POU6F1: variants seen among roughly 807,000 people sequenced by gnomAD.
POU6F1 encodes the protein POU domain, class 6, transcription factor 1.
Under a neutral mutation model 28.9 loss-of-function variants are expected in POU6F1, and 9 were observed. The observed-to-expected ratio is 0.31, with a 90% CI of 0.19 to 0.54. POU6F1 has a LOEUF of 0.54. Ranked by LOEUF, POU6F1 falls within the 20% of genes least tolerant of loss-of-function variation. The pLI, the probability that POU6F1 is intolerant of heterozygous loss-of-function variation, is 0.94. For missense variants in POU6F1, 338 were observed against 426.1 expected (o/e 0.79, Z 1.82); for synonymous variants, 173 against 171.1 (o/e 1.01, Z -0.09).
chr12:51,194,096 G>A (rs947197036), intron 8 of POU6F1, among the ~76,000 whole-genome samples: 4 of 151,940 alleles, frequency 2.6e-5, no homozygotes, highest in South Asian at 2.1e-4. Context: ...GCATGATCTC[G>A]GCTCATCACA....
At chr12:51,195,501 C>T (rs1280235486) in intron 8 of POU6F1, among the ~76,000 whole-genome samples, 1 of 46,756 alleles carries the variant, frequency 2.1e-5, no homozygotes, top group Admixed American at 2.5e-4. Flanking sequence ...GTGTCTTCAG[C>T]ACTTGGAATA....
rs184688888 is a variant in POU6F1, at chr12:51,199,449, C to T, written c.366+298G>A. Among the ~76,000 whole-genome samples the T allele has an allele frequency of 2.0e-5, 3 of 152,180 alleles. No homozygotes were observed. The highest frequency in any genetic ancestry group is 2.9e-5 in the Non-Finnish European group (2 of 68,034). ...TGGAGGGCCGGCAAGGGTATTCATTCATTTAGTCATTTGATAAACAGAAAC... is the reference window on the plus strand; with the variant it reads ...TGGAGGGCCGGCAAGGGTATTCATTTATTTAGTCATTTGATAAACAGAAAC... On this transcript the variant is annotated intron_variant, in intron 4 of 10. Transcript: ENST00000333640. This position sits in a 1 kb window ranked among gnomAD's most constrained non-coding sequence, Gnocchi z 4.1.
chr12:51,210,367 A>G (rs1943912056), intron 1 of POU6F1, among the ~76,000 whole-genome samples: 1 of 152,244 alleles, frequency 6.6e-6, no homozygotes, highest in Non-Finnish European at 1.5e-5. Context: ...ATCTGGGTGC[A>G]TTATAGCTTG....
chr12:51,214,418 G>C (rs767637150), intron 1 of POU6F1, among the ~76,000 whole-genome samples: 6 of 152,038 alleles, frequency 3.9e-5, no homozygotes, highest in Admixed American at 2.0e-4. Context: ...ACACCACACA[G>C]AACCTCCTCT....
chr12:51,204,709 A>G (rs1943460116), intron 2 of POU6F1, among the ~76,000 whole-genome samples: 1 of 152,088 alleles, frequency 6.6e-6, no homozygotes, highest in African/African-American at 2.4e-5. Context: ...CTATCCTACA[A>G]CTTGCAAGGA....
At chr12:51,201,388 A>G (rs1565617576) in intron 3 of POU6F1, among the ~76,000 whole-genome samples, 1 of 152,198 alleles carries the variant, frequency 6.6e-6, no homozygotes, top group Non-Finnish European at 1.5e-5. Flanking sequence ...CTCCAGAAAA[A>G]AAATCAGGCT....
At chr12:51,203,626 C>T (rs369516104) in intron 3 of POU6F1, among the ~76,000 whole-genome samples, 2 of 152,138 alleles carry the variant, frequency 1.3e-5, no homozygotes, top group African/African-American at 2.4e-5. Context: ...CGGAAGTTTG[C>T]GTGTTCTCAT....
At chr12:51,198,403 G>A (rs923495607) in intron 5 of POU6F1, 147 bp downstream of exon 5, 17 of 397,822 alleles carry the variant, frequency 4.3e-5, no homozygotes, top group Admixed American at 2.2e-4. Flanking sequence ...GCAGCTCTGC[G>A]GCCGGATGCC....
intron 1 of POU6F1, among the ~76,000 whole-genome samples, chr12:51,212,776 C>CAAAAAAAAA (rs1176606531): frequency 2.1e-4 from 8 of 37,694 alleles, no homozygotes; most frequent in African/African-American, 3.8e-4. Context: ...AACTCCGTCT[C>CAAAAAAAAA]AAAAAAAAAA....
At position 51,217,105 on chromosome 12, in the gene POU6F1, C is replaced by A. The variant is rs1321420588; in HGVS notation, c.-48+537G>T. On this transcript the variant is annotated intron_variant, in intron 1 of 10. Transcript: ENST00000333640. The surrounding 1 kb of genome is among the most constrained non-coding windows in gnomAD (Gnocchi z 5.3). The stretch of plus-strand genomic sequence containing the variant: ...CCTTCCAGCAACGCCTGGGTCCCTA[C>A]CCCCGGGTCCCACCGGTCGTCCCGG... Among the ~76,000 whole-genome samples the A allele has an allele frequency of 7.9e-5, 12 of 152,180 alleles. No homozygotes were observed. The highest frequency in any genetic ancestry group is 7.9e-4 in the Admixed American group (12 of 15,282).
intron 8 of POU6F1, among the ~76,000 whole-genome samples, chr12:51,192,883 C>T (rs1253608456): frequency 3.3e-5 from 5 of 150,056 alleles, no homozygotes; most frequent in African/African-American, 4.9e-5. Flanking sequence ...CCAGACTGGG[C>T]GACAGAGTGA....
intron 2 of POU6F1, 67 bp from the exon 3 acceptor site, chr12:51,204,435 G>T: frequency 5.0e-6 from 2 of 398,660 alleles, no homozygotes; most frequent in Non-Finnish European, 8.8e-6. Flanking sequence ...CAAAGCTCTG[G>T]GTATGGTTTG....
intron 1 of POU6F1, among the ~76,000 whole-genome samples, chr12:51,208,299 CA>C (rs1356028921): frequency 2.0e-5 from 3 of 151,030 alleles, no homozygotes; most frequent in Non-Finnish European, 4.4e-5. Flanking sequence ...GACCCTGTCT[CA>C]AAAAAGAGAG....
rs575356527 is a variant in POU6F1, at chr12:51,210,392, T to C, written c.-47-3509A>G. On this transcript the variant is annotated intron_variant, in intron 1 of 10. Coordinates refer to ENST00000333640, the MANE Select transcript of POU6F1 (RefSeq NM_001330422.2). ...ATTATAGCTTGATACATACATTTCT[T>C]GGGGAGAAGAATTTTCCAATTCCAA... Among the ~76,000 whole-genome samples, 24 of 152,260 alleles carry C rather than the reference T, an allele frequency of 1.6e-4. No individual in the cohort carries two copies. The East Asian group carries it at 4.6e-3, about 29-fold the overall frequency.
intron 2 of POU6F1, among the ~76,000 whole-genome samples, chr12:51,205,607 T>C (rs1181874312): frequency 6.6e-6 from 1 of 152,194 alleles, no homozygotes; most frequent in Non-Finnish European, 1.5e-5. Flanking sequence ...GCATTTGGCC[T>C]GTGCCTGAAA....
intron 1 of POU6F1, among the ~76,000 whole-genome samples, chr12:51,216,495 G>C (rs1165992268): frequency 6.6e-6 from 1 of 152,238 alleles, no homozygotes; most frequent in Non-Finnish European, 1.5e-5. Flanking sequence ...GAATTGTTCA[G>C]AGCATGGCAC....
At chr12:51,196,276 C>T in intron 7 of POU6F1, 103 bp from the exon 8 acceptor site, 1 of 980,624 alleles carries the variant, frequency 1.0e-6, no homozygotes, top group South Asian at 1.9e-5. Context: ...ATGGACAAAT[C>T]CCTCAACCTG....
rs139547928 is a variant in POU6F1 at position 51,190,523 on chromosome 12, G to A, written c.1560C>T (p.Asn520=). Residue 520 remains asparagine (N), a synonymous_variant, in exon 11 of 11, where the codon AAC becomes AAT. Coordinates refer to ENST00000333640, the MANE Select transcript of POU6F1 (RefSeq NM_001330422.2). This position sits in a 1 kb window ranked among gnomAD's most constrained non-coding sequence, Gnocchi z 4.5. ...KLKPVLEKWL[N]EAELRNQEGQ... Reference sequence around the variant, plus strand: ...CTTCCTGGTTCCGCAGTTCAGCTTCGTTTAGCCACTTTTCCAGCACCGGCT... The same window carrying A: ...CTTCCTGGTTCCGCAGTTCAGCTTCATTTAGCCACTTTTCCAGCACCGGCT... 1.4e-4 allele frequency: 224 copies of A among 1,614,136 alleles called. 2 individuals carry two copies. The African/African-American group carries it at 1.9e-3, about 14-fold the overall frequency.
At position 51,215,274 on chromosome 12, in the gene POU6F1, G is replaced by T. The variant is rs1466350276; in HGVS notation, c.-48+2368C>A. 2.6e-5 allele frequency among the ~76,000 whole-genome samples: 4 copies of T among 152,066 alleles called. No homozygotes were observed. In the East Asian group the frequency reaches 7.7e-4, roughly 29 times the overall value. ...AAATGATTTCAAAGACGTGGTACAG[G>T]CCGGGTGTGGTGGTTCACGTCTGTA... On this transcript the variant is annotated intron_variant, in intron 1 of 10. Transcript: ENST00000333640.
Sources: gnomAD v4.1 joint callset for allele counts (sites outside exome capture counted in the v4.1 genomes callset) on GRCh38, gnomAD v4.1.1 for gene constraint, Gnocchi (gnomAD v3.1) non-coding constraint, MANE v1.5 for transcripts, NCBI Gene and HGNC (gene_info 2026-07-23, HGNC 2026-07-21) for gene names.